The following PAPLN variants were observed in gnomAD, a reference collection of about 807,000 sequenced individuals.
PAPLN encodes papilin.
Under a neutral mutation model 159.0 loss-of-function variants are expected in PAPLN, and 146 were observed. The observed-to-expected ratio is 0.92, with a 90% confidence interval of 0.80 to 1.05. The LOEUF (loss-of-function observed/expected upper bound fraction) is 1.05, where lower values mean the gene tolerates loss of function less well. Ranked by LOEUF, PAPLN falls within the 50% of genes least tolerant of loss-of-function variation. PAPLN has a pLI of 0.00. For synonymous variants in PAPLN, 734 were observed against 702.9 expected (o/e 1.04, Z -0.70); for missense variants, 1,720 against 1,743.9 (o/e 0.99, Z 0.24).
At position 73,258,570 on chromosome 14, in the gene PAPLN, G is replaced by A. The variant is rs1037389747; in HGVS notation, c.1628-409G>A. The stretch of plus-strand genomic sequence containing the variant: ...AGGCTGAGTCAGGAGGATCACTTGA[G>A]CCCAGGAGTTTGAGACAAGCCTGGG... On this transcript the variant is annotated intron_variant, in intron 14 of 26. Transcript: ENST00000644200. Among the ~76,000 whole-genome samples the A allele has an allele frequency of 2.2e-5, 3 of 138,116 alleles. No homozygotes were observed. In the Admixed American group the frequency reaches 2.5e-4, roughly 11 times the overall value. The allele number at this position is 138,116 out of a possible 152,430, so 90.6% of individuals were successfully genotyped here. A position where few individuals can be genotyped will look rare whatever the true frequency, so the allele number is the denominator to read the frequency against.
intron 11 of PAPLN, chr14:73,253,065 C>T: frequency 2.3e-6 from 3 of 1,285,650 alleles, no homozygotes; most frequent in South Asian, 1.2e-5. Context: ...CTGTCTGAGC[C>T]AGCAGAGGGT....
At position 73,266,604 on chromosome 14, in the gene PAPLN, C is replaced by T. The variant is rs771941671; in HGVS notation, c.3367C>T (p.Arg1123Ter). 9.3e-6 allele frequency: 15 copies of T among 1,614,132 alleles called. No homozygotes were observed. Among genetic ancestry groups the T allele is most frequent in the Non-Finnish European group, 1.2e-5 (14 of 1,180,026 alleles). The change falls in exon 24 of 27, where the codon CGA becomes TGA. Residue 1123 changes from arginine to a stop codon, truncating the protein, a stop_gained. Coordinates refer to ENST00000644200, the MANE Select transcript of PAPLN (RefSeq NM_001365906.3). LOFTEE classifies it high-confidence loss of function. The stretch of plus-strand genomic sequence containing the variant: ...TTTCAATGGGCAGGACCGAGACCAG[C>T]GATGGGTCCAGCTCAGAGTTCTGGG... ...VAFNGQDRDQ[R>*]WVQLRVLGEL...
At chr14:73,254,329 G>T (rs958449084) in intron 12 of PAPLN, among the ~76,000 whole-genome samples, 184 bp from the exon 13 acceptor site, 1 of 152,212 alleles carries the variant, frequency 6.6e-6, no homozygotes, top group Non-Finnish European at 1.5e-5. Flanking sequence ...TCAGTCTGTT[G>T]TCAGTAGCCA....
rs147745883 is a variant in PAPLN, at chr14:73,264,323, C to A, written c.2974C>A (p.Leu992Ile). 1 of 1,613,738 alleles carries A rather than the reference C, an allele frequency of 6.2e-7. No individual in the cohort carries two copies. Among genetic ancestry groups the A allele is most frequent in the African/African-American group, 1.3e-5 (1 of 74,908 alleles). ...AGGCCGCGACTCCCAGAAGATCCAA[C>A]TTCGCATCATAGGTCTCTGTCCCCA... ...RPGRDSQKIQLRIIGGDMAVL... is the reference protein window; with the variant it reads ...RPGRDSQKIQIRIIGGDMAVL... The change falls in exon 21 of 27, where the codon CTT (leucine) becomes ATT (isoleucine). Residue 992 changes from leucine (L) to isoleucine (I), a missense_variant. Coordinates refer to ENST00000644200, the MANE Select transcript of PAPLN (RefSeq NM_001365906.3).
chr14:73,266,915 A>C, intron 25 of PAPLN, 84 bp downstream of exon 25: 1 of 1,268,252 alleles, frequency 7.9e-7, no homozygotes, highest in Non-Finnish European at 1.1e-6. Flanking sequence ...CAGGGATGTC[A>C]CTGTCACCAC....
In PAPLN at chr14:73,258,968, G is replaced by T; in HGVS notation, c.1628-11G>T. 1 of 1,603,488 alleles carries T rather than the reference G, an allele frequency of 6.2e-7. No homozygotes were observed. Among genetic ancestry groups the T allele is most frequent in the Non-Finnish European group, 8.5e-7 (1 of 1,174,804 alleles). On this transcript the variant is annotated splice_polypyrimidine_tract_variant and intron_variant, in intron 14 of 26. Coordinates refer to ENST00000644200, the MANE Select transcript of PAPLN (RefSeq NM_001365906.3). ...CTCTCCGTCCCACATGGACCTCCCG[G>T]CTCCCTGCAGAGGTCCCCAGCATGC...
At position 73,254,509 on chromosome 14, in the gene PAPLN, G is replaced by A. The variant is rs765628043; in HGVS notation, c.1303-4G>A. 2.5e-6 allele frequency: 4 copies of A among 1,613,658 alleles called. No individual in the cohort carries two copies. The highest frequency in any genetic ancestry group is 2.2e-5 in the East Asian group (1 of 44,890). ...AGCTTCTGCTGACAGCCTTGTCCTT[G>A]CAGTGTTCTGTCAGTTGTGGCGTTG... On this transcript the variant is annotated splice_region_variant and splice_polypyrimidine_tract_variant and intron_variant, in intron 12 of 26. Transcript: ENST00000644200.
chr14:73,241,047 G>A (rs577302925), intron 2 of PAPLN, among the ~76,000 whole-genome samples: 70 of 152,228 alleles, frequency 4.6e-4, no homozygotes, highest in African/African-American at 1.4e-3. Context: ...ATCTGTGGGC[G>A]GAGGCTGAGC....
chr14:73,245,979 G>GC lies in PAPLN; in HGVS notation c.232-94_232-93insC. The GC allele has an allele frequency of 7.8e-7, 1 of 1,283,926 alleles. No homozygotes were observed. Among genetic ancestry groups the GC allele is most frequent in the Admixed American group, 2.8e-5 (1 of 35,542 alleles). 79.5% of individuals were successfully genotyped at this position (1,283,926 alleles called of 1,614,324 possible). A position where few individuals can be genotyped will look rare whatever the true frequency, so the allele number is the denominator to read the frequency against. On this transcript the variant is annotated intron_variant, in intron 4 of 26. Coordinates refer to ENST00000644200, the MANE Select transcript of PAPLN (RefSeq NM_001365906.3). The surrounding 1 kb of genome is among the most constrained non-coding windows in gnomAD (Gnocchi z 4.2). ...GGCGGCTCCGATGGGGCAGGCAAGG[G>GC]AGACTCCTGGGCTCCCTGGGCTCGG...
rs183227211 is a variant in PAPLN at position 73,245,845 on chromosome 14, G to A, written c.231+149G>A. ...CAATCCACAGCAGGGCTGCGTGGGGGCCCCTTCCTCACCCTGCTCCCGGGG... is the reference window on the plus strand; with the variant it reads ...CAATCCACAGCAGGGCTGCGTGGGGACCCCTTCCTCACCCTGCTCCCGGGG... On this transcript the variant is annotated intron_variant, in intron 4 of 26. Coordinates refer to ENST00000644200, the MANE Select transcript of PAPLN (RefSeq NM_001365906.3). This position sits in a 1 kb window ranked among gnomAD's most constrained non-coding sequence, Gnocchi z 4.2. 1.2e-4 allele frequency: 135 copies of A among 1,095,130 alleles called. 3 individuals carry two copies. The African/African-American group carries it at 1.9e-3, about 15-fold the overall frequency. 67.8% of individuals were successfully genotyped at this position (1,095,130 alleles called of 1,614,324 possible).
At chr14:73,256,420 TA>T (rs1193902033) in intron 14 of PAPLN, among the ~76,000 whole-genome samples, 1 of 150,798 alleles carries the variant, frequency 6.6e-6, no homozygotes, top group Non-Finnish European at 1.5e-5. Context: ...TAATCCCAGT[TA>T]CTTGGGAGGC....
intron 11 of PAPLN, chr14:73,253,266 A>G: frequency 7.4e-7 from 1 of 1,352,104 alleles, no homozygotes; most frequent in African/African-American, 1.5e-5. Context: ...GGCTGGTGCC[A>G]CCCTGTCACC....
chr14:73,244,459 A>C (rs1883962092), intron 2 of PAPLN, 185 bp from the exon 3 acceptor site: 1 of 560,152 alleles, frequency 1.8e-6, no homozygotes, highest in Non-Finnish European at 3.2e-6. Context: ...AAGCAGGCTA[A>C]TTCTGAAAAG....
intron 26 of PAPLN, 187 bp from the exon 27 acceptor site, chr14:73,272,308 C>G: frequency 2.1e-6 from 1 of 472,150 alleles, no homozygotes; most frequent in Non-Finnish European, 3.6e-6. Flanking sequence ...GGCCAAGAAA[C>G]AGGTAGAAAT....
intron 11 of PAPLN, chr14:73,253,136 G>T (rs1230145705): frequency 1.4e-6 from 2 of 1,386,836 alleles, no homozygotes; most frequent in African/African-American, 2.9e-5. Context: ...GTTGGCATCG[G>T]CCATGGCTTT....
rs930664832 is a variant in PAPLN, at chr14:73,245,689, G to A, written c.224G>A (p.Arg75His). Reference sequence around the variant, plus strand: ...CCCGCCCGGAGCCACCGCTCTTGTCGCACGGAGGTAAAGCTCACGGGGCGC... The same window carrying A: ...CCCGCCCGGAGCCACCGCTCTTGTCACACGGAGGTAAAGCTCACGGGGCGC... The part of the protein sequence containing the change: ...VGPARSHRSC[R>H]TESCPDGARD... The change falls in exon 4 of 27, where the codon CGC becomes CAC. Residue 75 changes from arginine (R) to histidine (H), a missense_variant. Transcript: ENST00000644200. This position sits in a 1 kb window ranked among gnomAD's most constrained non-coding sequence, Gnocchi z 4.2. 13 of 1,550,616 alleles carry A rather than the reference G, an allele frequency of 8.4e-6. No individual in the cohort carries two copies. The highest frequency in any genetic ancestry group is 2.4e-5 in the South Asian group (2 of 84,632).
At chr14:73,261,110 T>C in intron 17 of PAPLN, 46 bp from the exon 18 acceptor site, 1 of 1,613,828 alleles carries the variant, frequency 6.2e-7, no homozygotes, top group African/African-American at 1.3e-5. Context: ...TCCCCAACAA[T>C]GGCCAGATCC....
In PAPLN at chr14:73,255,021, A is replaced by G. The variant is rs1885740190; in HGVS notation, c.1627+3A>G. The G allele has an allele frequency of 6.2e-7, 1 of 1,611,686 alleles. No individual in the cohort carries two copies. The highest frequency in any genetic ancestry group is 8.5e-7 in the Non-Finnish European group (1 of 1,179,248). On this transcript the variant is annotated splice_donor_region_variant and intron_variant, in intron 14 of 26. Coordinates refer to ENST00000644200, the MANE Select transcript of PAPLN (RefSeq NM_001365906.3). ...GCAGCCCTGTCATCTCCCCCAGGGT[A>G]AGGACAGGAGGGCAGGGAGGAGTCC... is the stretch of plus-strand genomic sequence containing the variant.
At chr14:73,260,896 C>T (rs1038711896) in intron 17 of PAPLN, 67 bp downstream of exon 17, 7 of 1,493,292 alleles carry the variant, frequency 4.7e-6, no homozygotes, top group Non-Finnish European at 6.2e-6. Flanking sequence ...GTCACTGTGA[C>T]CCAGGATCTT....
Sources: allele counts gnomAD v4.1 joint callset (sites outside exome capture counted in the v4.1 genomes callset), GRCh38; gene constraint gnomAD v4.1.1; non-coding constraint Gnocchi (gnomAD v3.1); transcripts MANE v1.5; gene names NCBI Gene and HGNC (gene_info 2026-07-23, HGNC 2026-07-21).